DLC1: variants seen among roughly 807,000 people sequenced by gnomAD.
The protein encoded by DLC1 is rho GTPase-activating protein 7.
DLC1 carries 54 observed loss-of-function variants against 140.3 expected under a neutral mutation model. That is an observed-to-expected ratio of 0.38 (90% confidence interval 0.31 to 0.48). DLC1 has a LOEUF of 0.48. Ranked by LOEUF, DLC1 falls within the 20% of genes least tolerant of loss-of-function variation. DLC1 has a pLI of 0.96. For missense variants in DLC1, 2,536 were observed against 1,907.0 expected (o/e 1.33, Z -6.14); for synonymous variants, 986 against 728.1 (o/e 1.35, Z -5.70).
At chr8:13,242,801 G>A (rs552731425) in intron 5 of DLC1, among the ~76,000 whole-genome samples, 1 of 151,996 alleles carries the variant, frequency 6.6e-6, no homozygotes, top group Non-Finnish European at 1.5e-5. Context: ...CAACTATGAG[G>A]GTGCCCAAGG....
chr8:13,110,714 G>C (rs368836177), intron 7 of DLC1, 28 bp downstream of exon 7: 1 of 1,596,552 alleles, frequency 6.3e-7, no homozygotes, highest in Non-Finnish European at 8.6e-7. Context: ...AAATAAAAAA[G>C]GAAAACACTC....
At chr8:13,503,793 G>A (rs1801927111) in intron 1 of DLC1, among the ~76,000 whole-genome samples, 1 of 152,168 alleles carries the variant, frequency 6.6e-6, no homozygotes, top group Admixed American at 6.5e-5. Context: ...TGCTACTGAA[G>A]CTTACCAATT....
At chr8:13,149,378 C>G (rs1197100527) in intron 5 of DLC1, among the ~76,000 whole-genome samples, 7 of 152,172 alleles carry the variant, frequency 4.6e-5, no homozygotes, top group Admixed American at 4.6e-4. Flanking sequence ...TCATTTCCTA[C>G]CCCCAGAACT....
intron 2 of DLC1, among the ~76,000 whole-genome samples, chr8:13,459,032 T>C (rs1265756655): frequency 6.6e-6 from 1 of 152,226 alleles, no homozygotes; most frequent in African/African-American, 2.4e-5. Flanking sequence ...TCAATCTATT[T>C]CTTGCATCCA....
chr8:13,489,436 C>CACACAT (rs1801134226), intron 2 of DLC1, among the ~76,000 whole-genome samples: 1 of 149,874 alleles, frequency 6.7e-6, no homozygotes, highest in Admixed American at 6.7e-5. Context: ...CACACACACA[C>CACACAT]ACACACACAC....
At chr8:13,410,486 A>C (rs2117294094) in intron 2 of DLC1, among the ~76,000 whole-genome samples, 1 of 152,260 alleles carries the variant, frequency 6.6e-6, no homozygotes, top group African/African-American at 2.4e-5. Flanking sequence ...TAATTTCAAC[A>C]AATCAAAGAA....
In DLC1 at chr8:13,300,287, G is replaced by A. The variant is rs556563140; in HGVS notation, c.1348+4982C>T. Among the ~76,000 whole-genome samples the A allele has an allele frequency of 4.6e-5, 7 of 152,214 alleles. No homozygotes were observed. The South Asian group carries it at 1.5e-3, about 32-fold the overall frequency. ...CAGTCACTGGGCCTTTTTTGGGGAG[G>A]ATGGTGTGGGGAGAACATTAGAGAA... is the stretch of plus-strand genomic sequence containing the variant. On this transcript the variant is annotated intron_variant, in intron 5 of 17. Transcript: ENST00000276297.
intron 5 of DLC1, among the ~76,000 whole-genome samples, chr8:13,137,239 A>T (rs143205570): frequency 1.3e-5 from 2 of 152,198 alleles, no homozygotes; most frequent in African/African-American, 4.8e-5. Flanking sequence ...CCTTCAACTC[A>T]TCACTCAAGG....
intron 4 of DLC1, among the ~76,000 whole-genome samples, chr8:13,393,175 G>A (rs186832261): frequency 4.2e-4 from 63 of 151,650 alleles, no homozygotes; most frequent in African/African-American, 6.3e-4. Flanking sequence ...ATCATCTGTC[G>A]TCTATCATTC....
chr8:13,103,471 C>A (rs2128940354), intron 7 of DLC1, among the ~76,000 whole-genome samples: 1 of 152,068 alleles, frequency 6.6e-6, no homozygotes, highest in Non-Finnish European at 1.5e-5. Flanking sequence ...ATGAGTTGTT[C>A]TTACTAAGAA....
chr8:13,083,413 A>G lies in DLC1; in HGVS notation c.*2398T>C, dbSNP rs985851462. 6.6e-6 allele frequency: 1 copy of G among 152,232 alleles called. No homozygotes were observed. Among genetic ancestry groups the G allele is most frequent in the East Asian group, 1.9e-4 (1 of 5,162 alleles). The allele number at this position is 152,232 out of a possible 1,614,324, so 9.4% of individuals were successfully genotyped here. ...AGGTGCCTACAAGTACAAAATACTG[A>G]AAGCCGCTGCAGGGGATTATAAAGA... On this transcript the variant is annotated 3_prime_UTR_variant, in exon 18 of 18. Transcript: ENST00000276297.
At chr8:13,502,361 T>C (rs1445458278) in intron 1 of DLC1, among the ~76,000 whole-genome samples, 1 of 152,212 alleles carries the variant, frequency 6.6e-6, no homozygotes, top group Non-Finnish European at 1.5e-5. Flanking sequence ...ACACTTTTAT[T>C]TTTAAGATAT....
At chr8:13,368,647 G>A (rs1361579721) in intron 4 of DLC1, among the ~76,000 whole-genome samples, 1 of 151,944 alleles carries the variant, frequency 6.6e-6, no homozygotes, top group Non-Finnish European at 1.5e-5. Flanking sequence ...TTCCTAATAG[G>A]TTAACCTTGG....
chr8:13,318,829 A>C (rs1222951691), intron 4 of DLC1, among the ~76,000 whole-genome samples: 1 of 152,186 alleles, frequency 6.6e-6, no homozygotes, highest in African/African-American at 2.4e-5. Context: ...CTTTCTGAAT[A>C]CCTTTGCTAG....
At chr8:13,307,878 C>G (rs1031372048) in intron 4 of DLC1, among the ~76,000 whole-genome samples, 1 of 152,160 alleles carries the variant, frequency 6.6e-6, no homozygotes, top group Non-Finnish European at 1.5e-5. Context: ...GTGAGCCACA[C>G]TAAACAGACT....
At position 13,440,087 on chromosome 8, in the gene DLC1, A is replaced by C. The variant is rs79117110; in HGVS notation, c.1024-38468T>G. On this transcript the variant is annotated intron_variant, in intron 2 of 17. Coordinates refer to ENST00000276297, the MANE Select transcript of DLC1 (RefSeq NM_182643.3). ...TGGTCAAATACATTTGGGAAATACT[A>C]GTTTCTTTACTGCAGGATTTTCAGG... Among the ~76,000 whole-genome samples, 941 of 152,300 alleles carry C rather than the reference A, an allele frequency of 6.2e-3. 11 individuals carry two copies. The highest frequency in any genetic ancestry group is 0.021 in the African/African-American group (879 of 41,558).
chr8:13,177,776 A>T (rs1306334470), intron 5 of DLC1, among the ~76,000 whole-genome samples: 1 of 152,202 alleles, frequency 6.6e-6, no homozygotes, highest in Non-Finnish European at 1.5e-5. Context: ...ATCATGTAAA[A>T]ACCAGTGCTA....
At chr8:13,371,706 C>T (rs923094467) in intron 4 of DLC1, among the ~76,000 whole-genome samples, 2 of 151,972 alleles carry the variant, frequency 1.3e-5, no homozygotes, top group African/African-American at 2.4e-5. Context: ...CAGCTAATTC[C>T]CTCAGAAAGA....
At chr8:13,459,857 T>C (rs937120911) in intron 2 of DLC1, among the ~76,000 whole-genome samples, 1 of 152,226 alleles carries the variant, frequency 6.6e-6, no homozygotes, top group Non-Finnish European at 1.5e-5. Flanking sequence ...AAGGTTTCTG[T>C]GCACAACTCT....
Sources: allele counts gnomAD v4.1 joint callset (sites outside exome capture counted in the v4.1 genomes callset), GRCh38; gene constraint gnomAD v4.1.1; transcripts MANE v1.5; gene names NCBI Gene and HGNC (gene_info 2026-07-23, HGNC 2026-07-21).